Variants in SULF1 observed in about 807,000 individuals in gnomAD.
SULF1 encodes extracellular sulfatase Sulf-1.
SULF1 carries 46 observed loss-of-function variants against 110.5 expected under a neutral mutation model. The ratio of observed to expected loss-of-function variants is 0.42; its 90% CI spans 0.33 to 0.53. SULF1 has a LOEUF of 0.53. Among genes scored for constraint, SULF1 ranks in the 20% least tolerant of loss-of-function variants. The pLI is 0.12. For missense variants in SULF1, 941 were observed against 1,094.2 expected (o/e 0.86, Z 1.98); for synonymous variants, 371 against 387.1 (o/e 0.96, Z 0.49).
In SULF1 at chr8:69,589,006, T is replaced by G. The variant is rs1273092836; in HGVS notation, c.599T>G (p.Ile200Ser). 5.6e-6 allele frequency: 9 copies of G among 1,614,136 alleles called. No individual in the cohort carries two copies. The highest frequency in any genetic ancestry group is 7.6e-6 in the Non-Finnish European group (9 of 1,179,970). Residue 200 changes from isoleucine (I) to serine (S), a missense_variant, in exon 8 of 23, where the codon ATT becomes AGT. Ile to Ser is a moderately radical substitution (Grantham distance 142). Coordinates refer to ENST00000402687, the MANE Select transcript of SULF1 (RefSeq NM_001128205.2). ...ACAGACTTAATCACTAACGAGAGCA[T>G]TAATTACTTCAAAATGTCTAAGAGA... ...YFTDLITNES[I>S]NYFKMSKRMY...
At chr8:69,480,161 A>G (rs1809459037) in intron 1 of SULF1, among the ~76,000 whole-genome samples, 2 of 152,338 alleles carry the variant, frequency 1.3e-5, no homozygotes, top group East Asian at 1.9e-4. Flanking sequence ...TAAAGAACAC[A>G]CTATCCACTG....
intron 3 of SULF1, among the ~76,000 whole-genome samples, chr8:69,539,301 G>T (rs535052593): frequency 6.6e-6 from 1 of 152,212 alleles, no homozygotes; most frequent in East Asian, 1.9e-4. Flanking sequence ...GAATAAAAAT[G>T]ATCTTTTTGA....
intron 3 of SULF1, among the ~76,000 whole-genome samples, chr8:69,518,694 G>C (rs1039980207): frequency 6.6e-6 from 1 of 152,116 alleles, no homozygotes; most frequent in African/African-American, 2.4e-5. Context: ...TCACATAAAT[G>C]CCTCATGTGT....
intron 22 of SULF1, among the ~76,000 whole-genome samples, chr8:69,643,232 C>CT (rs1356566950): frequency 1.3e-5 from 2 of 152,170 alleles, no homozygotes; most frequent in African/African-American, 4.8e-5. Context: ...TTGATGTGGC[C>CT]TTACCTGCTC....
chr8:69,574,208 T>A (rs1394294432), intron 5 of SULF1, among the ~76,000 whole-genome samples: 1 of 152,230 alleles, frequency 6.6e-6, no homozygotes, highest in African/African-American at 2.4e-5. Flanking sequence ...TTGTTTTTTT[T>A]ATTCTATCAC....
At chr8:69,629,732 TCATAA>T (rs1810375729) in intron 19 of SULF1, 53 bp downstream of exon 19, 1 of 1,445,688 alleles carries the variant, frequency 6.9e-7, no homozygotes, top group Non-Finnish European at 9.4e-7. Context: ...AGACAGCGAC[TCATAA>T]CTTAGATCAG....
chr8:69,559,870 G>A (rs1815356778), intron 3 of SULF1, among the ~76,000 whole-genome samples: 1 of 152,144 alleles, frequency 6.6e-6, no homozygotes, highest in South Asian at 2.1e-4. Context: ...CATCTTAAGT[G>A]AAGCTGGGTT....
At chr8:69,549,002 A>C (rs1262620685) in intron 3 of SULF1, among the ~76,000 whole-genome samples, 1 of 152,210 alleles carries the variant, frequency 6.6e-6, no homozygotes, top group Non-Finnish European at 1.5e-5. Flanking sequence ...AGCGGAACTT[A>C]TACCCACCCC....
chr8:69,535,255 T>C (rs1436842604), intron 3 of SULF1, among the ~76,000 whole-genome samples: 1 of 152,214 alleles, frequency 6.6e-6, no homozygotes, highest in Non-Finnish European at 1.5e-5. Context: ...CAGCTTCACA[T>C]CTTCACAGCC....
At chr8:69,639,550 A>T (rs949767373) in intron 21 of SULF1, among the ~76,000 whole-genome samples, 2 of 152,146 alleles carry the variant, frequency 1.3e-5, no homozygotes, top group Non-Finnish European at 2.9e-5. Flanking sequence ...CCTCCTCATG[A>T]TGTCTGCAGA....
chr8:69,650,147 C>T (rs1812222636), intron 22 of SULF1, among the ~76,000 whole-genome samples: 1 of 151,562 alleles, frequency 6.6e-6, no homozygotes, highest in South Asian at 2.1e-4. Context: ...AGGCGCATGC[C>T]ACCACACTCA....
intron 13 of SULF1, among the ~76,000 whole-genome samples, chr8:69,619,220 A>C (rs1439030727): frequency 6.6e-6 from 1 of 152,186 alleles, no homozygotes; most frequent in Non-Finnish European, 1.5e-5. Flanking sequence ...AAAAACAATA[A>C]AGGATAAAGA....
chr8:69,582,707 G>GAAAGA (rs1806161806), intron 6 of SULF1, among the ~76,000 whole-genome samples: 2 of 147,254 alleles, frequency 1.4e-5, no homozygotes, highest in African/African-American at 4.9e-5. Flanking sequence ...AAAAAAAAAG[G>GAAAGA]AAAGAAAAGT....
chr8:69,584,308 A>G (rs115189104), intron 6 of SULF1: 3,761 of 152,778 alleles, frequency 0.025, 140 homozygotes, highest in African/African-American at 0.084. Context: ...ACCTGATAGG[A>G]GGTGGCAACT....
intron 13 of SULF1, 112 bp downstream of exon 13, chr8:69,605,044 G>A: frequency 6.9e-7 from 1 of 1,458,476 alleles, no homozygotes; most frequent in Non-Finnish European, 9.2e-7. Context: ...GCTTTTCCTA[G>A]TGGCCTTGAG....
At position 69,659,288 on chromosome 8, in the gene SULF1, A is replaced by G. The variant is rs549933535; in HGVS notation, c.*753A>G. Reference sequence around the variant, plus strand: ...GAAAAGGAGAAGTCACAGCACCTAGAAGGCAGCGCCTCCTCTTCACTCTCC... The same window carrying G: ...GAAAAGGAGAAGTCACAGCACCTAGGAGGCAGCGCCTCCTCTTCACTCTCC... On this transcript the variant is annotated 3_prime_UTR_variant, in exon 23 of 23. Transcript: ENST00000402687. 6.9e-6 allele frequency: 3 copies of G among 436,220 alleles called. No individual in the cohort carries two copies. Among genetic ancestry groups the G allele is most frequent in the African/African-American group, 6.1e-5 (3 of 49,194 alleles). The allele number at this position is 436,220 out of a possible 1,614,324, so 27.0% of individuals were successfully genotyped here.
chr8:69,600,875 GAA>G, intron 9 of SULF1, 122 bp downstream of exon 9: 1 of 1,118,142 alleles, frequency 8.9e-7, no homozygotes, highest in East Asian at 2.4e-5. Flanking sequence ...GAGAGAGAAA[GAA>G]AGAGAGAGAG....
chr8:69,476,360 C>T (rs1809298563), intron 1 of SULF1, among the ~76,000 whole-genome samples: 2 of 152,128 alleles, frequency 1.3e-5, no homozygotes. Context: ...GAGGGCCATT[C>T]TCTAGTCAAG....
intron 3 of SULF1, among the ~76,000 whole-genome samples, chr8:69,551,743 GCTGTA>G (rs1230212855): frequency 1.3e-5 from 2 of 152,128 alleles, no homozygotes; most frequent in African/African-American, 4.8e-5. Flanking sequence ...TGGGTTGATC[GCTGTA>G]CTCTAGACCA....
Sources: allele counts gnomAD v4.1 joint callset (sites outside exome capture counted in the v4.1 genomes callset), GRCh38; gene constraint gnomAD v4.1.1; transcripts MANE v1.5; gene names NCBI Gene and HGNC (gene_info 2026-07-23, HGNC 2026-07-21).